The following RUBCNL variants were observed in gnomAD, a reference collection of about 807,000 sequenced individuals.
RUBCNL encodes the protein rubicon like autophagy enhancer, also known as protein associated with UVRAG as autophagy enhancer.
A neutral mutation model predicts 69.5 loss-of-function variants in RUBCNL; 62 were observed. The observed-to-expected ratio is 0.89, with a 90% CI of 0.73 to 1.10. The LOEUF (loss-of-function observed/expected upper bound fraction) is 1.10, where lower values mean the gene tolerates loss of function less well. Among genes scored for constraint, RUBCNL ranks in the 50% least tolerant of loss-of-function variants. The pLI, the probability that RUBCNL is intolerant of heterozygous loss-of-function variation, is 0.00. For missense variants in RUBCNL, 768 were observed against 798.1 expected (o/e 0.96, Z 0.45); for synonymous variants, 291 against 303.6 (o/e 0.96, Z 0.43).
chr13:46,386,462 C>T (rs1285531842), intron 1 of RUBCNL, among the ~76,000 whole-genome samples: 2 of 152,048 alleles, frequency 1.3e-5, no homozygotes, highest in African/African-American at 4.8e-5. Flanking sequence ...ATAACCCCTC[C>T]TCTGAAAGTT....
Position 46,359,312 on chromosome 13 carries a change from GA to G in RUBCNL, c.1265+173del, listed in dbSNP as rs74263242. ...CCCAAAAGTCCATGGTAAACAAGAG[GA>G]AAAAAAAAAAAAACCTAAGCCAGAA... On this transcript the variant is annotated intron_variant, in intron 9 of 14. Coordinates refer to ENST00000429979, the MANE Select transcript of RUBCNL (RefSeq NM_025113.5). Among the ~76,000 whole-genome samples, 616 of 129,806 alleles carry G rather than the reference GA, an allele frequency of 4.7e-3. 7 individuals carry two copies. The highest frequency in any genetic ancestry group is 0.046 in the East Asian group (213 of 4,650). 85.2% of individuals were successfully genotyped at this position (129,806 alleles called of 152,430 possible). A position where few individuals can be genotyped will look rare whatever the true frequency, so the allele number is the denominator to read the frequency against.
intron 9 of RUBCNL, 103 bp downstream of exon 9, chr13:46,359,380 GTTC>G: frequency 1.1e-6 from 1 of 921,222 alleles, no homozygotes. Context: ...ATTTTCCTGT[GTTC>G]TTTAGCATAT....
chr13:46,344,622 T>C, intron 14 of RUBCNL, 119 bp downstream of exon 14: 1 of 698,364 alleles, frequency 1.4e-6, no homozygotes, highest in Non-Finnish European at 2.4e-6. Flanking sequence ...GTACTTTAAA[T>C]AACTGTGCTT....
chr13:46,374,836 C>T (rs2048954756), intron 2 of RUBCNL, among the ~76,000 whole-genome samples: 1 of 152,180 alleles, frequency 6.6e-6, no homozygotes, highest in Admixed American at 6.5e-5. Context: ...TAGGCTCCTT[C>T]TAACCCTAGG....
chr13:46,355,795 T>C (rs557098885), intron 10 of RUBCNL, among the ~76,000 whole-genome samples: 6 of 152,304 alleles, frequency 3.9e-5, no homozygotes, highest in Admixed American at 3.3e-4. Flanking sequence ...AGACAACACA[T>C]GTGGCCTCAC....
chr13:46,352,019 G>A (rs184575982), intron 10 of RUBCNL, among the ~76,000 whole-genome samples: 58 of 151,872 alleles, frequency 3.8e-4, no homozygotes, highest in Non-Finnish European at 7.2e-4. Context: ...GTAGAGATGG[G>A]GTTTCACTAT....
intron 2 of RUBCNL, among the ~76,000 whole-genome samples, chr13:46,377,158 C>T (rs890245080): frequency 6.6e-6 from 1 of 152,174 alleles, no homozygotes; most frequent in African/African-American, 2.4e-5. Flanking sequence ...ATTTTCTACA[C>T]ATATCTTTTG....
At position 46,343,528 on chromosome 13, in the gene RUBCNL, C is replaced by T. The variant is rs369919576; in HGVS notation, c.1877-31G>A. 96 of 1,603,174 alleles carry T rather than the reference C, an allele frequency of 6.0e-5. No homozygotes were observed. The African/African-American group carries it at 7.6e-4, about 13-fold the overall frequency. On this transcript the variant is annotated intron_variant, in intron 14 of 14. Transcript: ENST00000429979. ...AGCAAGGAAGAGAGCCGTTAGCAAA[C>T]GGTCTATCTTGTTTTCTCACATTTC...
intron 1 of RUBCNL, among the ~76,000 whole-genome samples, chr13:46,382,692 C>T (rs1343427161): frequency 2.0e-5 from 3 of 152,166 alleles, no homozygotes; most frequent in Non-Finnish European, 4.4e-5. Context: ...CACCACCATG[C>T]CCGGCTAATT....
At position 46,368,898 on chromosome 13, in the gene RUBCNL, C is replaced by T. The variant is rs78209211; in HGVS notation, c.536-83G>A. ...AAAATAAAACAATTATAGGAAGTGG[C>T]TTTTAAATAATGTAAAAAAATAAGC... On this transcript the variant is annotated intron_variant, in intron 3 of 14. Coordinates refer to ENST00000429979, the MANE Select transcript of RUBCNL (RefSeq NM_025113.5). The T allele has an allele frequency of 3.1e-3, 3,005 of 967,860 alleles. 60 individuals are homozygous for T. In the African/African-American group the frequency reaches 0.043, roughly 14 times the overall value. The allele number at this position is 967,860 out of a possible 1,614,324, so 60.0% of individuals were successfully genotyped here.
At chr13:46,366,087 C>A (rs943867819) in intron 5 of RUBCNL, among the ~76,000 whole-genome samples, 1 of 152,212 alleles carries the variant, frequency 6.6e-6, no homozygotes, top group African/African-American at 2.4e-5. Flanking sequence ...CACAAGACCA[C>A]AGAAGAAGGA....
chr13:46,356,064 T>C (rs1196459767), intron 10 of RUBCNL, among the ~76,000 whole-genome samples: 1 of 152,076 alleles, frequency 6.6e-6, no homozygotes, highest in Non-Finnish European at 1.5e-5. Context: ...AGTGAAAATG[T>C]GAAAGAAGCA....
At chr13:46,343,684 T>TAGAG (rs2048182542) in intron 14 of RUBCNL, among the ~76,000 whole-genome samples, 187 bp from the exon 15 acceptor site, 1 of 152,080 alleles carries the variant, frequency 6.6e-6, no homozygotes, top group South Asian at 2.1e-4. Context: ...TGTTGGACTC[T>TAGAG]TCCAACAGGT....
chr13:46,385,287 A>G (rs1445603188), intron 1 of RUBCNL: 14 of 983,264 alleles, frequency 1.4e-5, no homozygotes, highest in Non-Finnish European at 1.6e-5. Flanking sequence ...TAACTGAGTC[A>G]TCTTTCAGCT....
At chr13:46,349,224 G>A in intron 12 of RUBCNL, 62 bp downstream of exon 12, 1 of 1,414,040 alleles carries the variant, frequency 7.1e-7, no homozygotes, top group Non-Finnish European at 1.0e-6. Flanking sequence ...AGATGCAGGA[G>A]GCACTAATAG....
At chr13:46,385,529 C>A (rs2049219466) in intron 1 of RUBCNL, among the ~76,000 whole-genome samples, 4 of 152,126 alleles carry the variant, frequency 2.6e-5, no homozygotes, top group African/African-American at 4.8e-5. Flanking sequence ...GAAATAAGAA[C>A]GTAGATTTGG....
intron 10 of RUBCNL, among the ~76,000 whole-genome samples, chr13:46,355,635 G>A (rs1337279021): frequency 1.3e-5 from 2 of 152,166 alleles, no homozygotes; most frequent in Admixed American, 1.3e-4. Context: ...GTTGGCCCAG[G>A]AATGATCCTC....
intron 3 of RUBCNL, among the ~76,000 whole-genome samples, chr13:46,371,474 CTG>C (rs941466115): frequency 6.6e-6 from 1 of 152,154 alleles, no homozygotes; most frequent in African/African-American, 2.4e-5. Context: ...TCAGGGGAAA[CTG>C]TAGTTATTGT....
At position 46,334,818 on chromosome 13, in the gene RUBCNL, G is replaced by A. The variant is rs765603686; in HGVS notation, c.*8567C>T. On this transcript the variant is annotated 3_prime_UTR_variant, in exon 15 of 15. Coordinates refer to ENST00000429979, the MANE Select transcript of RUBCNL (RefSeq NM_025113.5). ...GTCAGCATTTTACAAATAGGAAACC[G>A]GAGTCTTAAGAAATTTGAGCAACTT... Among the ~76,000 whole-genome samples the A allele has an allele frequency of 3.3e-5, 5 of 152,082 alleles. No homozygotes were observed. The highest frequency in any genetic ancestry group is 7.4e-5 in the Non-Finnish European group (5 of 68,004).
Sources: gnomAD v4.1 joint callset for allele counts (sites outside exome capture counted in the v4.1 genomes callset) on GRCh38, gnomAD v4.1.1 for gene constraint, MANE v1.5 for transcripts, NCBI Gene and HGNC (gene_info 2026-07-23, HGNC 2026-07-21) for gene names.